ATRNL1: variants seen among roughly 807,000 people sequenced by gnomAD.
ATRNL1 encodes attractin-like protein 1.
In ATRNL1, 95 loss-of-function variants were observed where a neutral mutation model predicts 182.7. The observed-to-expected ratio is 0.52, with a 90% confidence interval of 0.44 to 0.62. The LOEUF is 0.62. Among genes scored for constraint, ATRNL1 ranks in the 20% least tolerant of loss-of-function variants. The pLI is 0.00. For synonymous variants in ATRNL1, 576 were observed against 568.3 expected (o/e 1.01, Z -0.19); for missense variants, 1,471 against 1,679.5 (o/e 0.88, Z 2.17).
At chr10:115,430,244 A>C (rs1846091878) in intron 21 of ATRNL1, among the ~76,000 whole-genome samples, 1 of 152,004 alleles carries the variant, frequency 6.6e-6, no homozygotes, top group Non-Finnish European at 1.5e-5. Flanking sequence ...TTTAATTGGT[A>C]GTTATTTTAT....
chr10:115,192,506 A>T (rs1848206819), intron 8 of ATRNL1, among the ~76,000 whole-genome samples: 1 of 152,002 alleles, frequency 6.6e-6, no homozygotes, highest in Non-Finnish European at 1.5e-5. Context: ...TGGCTTTGTA[A>T]TATAATTTCA....
chr10:115,475,909 C>T (rs946488000), intron 24 of ATRNL1, among the ~76,000 whole-genome samples: 2 of 151,198 alleles, frequency 1.3e-5, no homozygotes, highest in African/African-American at 4.8e-5. Flanking sequence ...TTGATTACTT[C>T]TACTACAAGT....
chr10:115,159,403 A>G (rs1443585388), intron 5 of ATRNL1, among the ~76,000 whole-genome samples: 4 of 151,554 alleles, frequency 2.6e-5, no homozygotes, highest in Admixed American at 6.6e-5. Flanking sequence ...TGTGTTTTCA[A>G]CTTTATAGTA....
intron 19 of ATRNL1, among the ~76,000 whole-genome samples, chr10:115,376,366 T>C (rs1857671399): frequency 6.6e-6 from 1 of 152,076 alleles, no homozygotes; most frequent in Non-Finnish European, 1.5e-5. Context: ...CATAGCTCAT[T>C]GTAACTTCAA....
chr10:115,813,542 G>A (rs1461802106), intron 27 of ATRNL1, among the ~76,000 whole-genome samples: 1 of 152,192 alleles, frequency 6.6e-6, no homozygotes, highest in Non-Finnish European at 1.5e-5. Context: ...TGCTATTGCA[G>A]TAAGATAGCT....
chr10:115,446,946 T>A (rs1293141831), intron 21 of ATRNL1, among the ~76,000 whole-genome samples: 1 of 151,956 alleles, frequency 6.6e-6, no homozygotes, highest in Non-Finnish European at 1.5e-5. Context: ...CAGATACATA[T>A]ATCATTTAAA....
intron 19 of ATRNL1, among the ~76,000 whole-genome samples, chr10:115,375,025 T>C (rs1341410409): frequency 6.6e-6 from 1 of 151,860 alleles, no homozygotes; most frequent in Non-Finnish European, 1.5e-5. Flanking sequence ...GTTGTTTTTT[T>C]TTTAATAGAC....
intron 8 of ATRNL1, among the ~76,000 whole-genome samples, chr10:115,214,330 T>A (rs1179005680): frequency 6.7e-6 from 1 of 148,734 alleles, no homozygotes; most frequent in Non-Finnish European, 1.5e-5. Context: ...ATATATATAG[T>A]TAAGTGGTTA....
chr10:115,821,807 A>G (rs1172115730), intron 27 of ATRNL1, among the ~76,000 whole-genome samples: 1 of 152,238 alleles, frequency 6.6e-6, no homozygotes, highest in Non-Finnish European at 1.5e-5. Flanking sequence ...ACCTACAAAG[A>G]GACTTAGACT....
chr10:115,290,814 T>C (rs1852865486), intron 15 of ATRNL1, among the ~76,000 whole-genome samples: 1 of 152,238 alleles, frequency 6.6e-6, no homozygotes, highest in South Asian at 2.1e-4. Context: ...GTGTCTGATT[T>C]ACATAGAGCC....
rs74158254 is a variant in ATRNL1, at chr10:115,689,965, G to A, written c.3796-37283G>A. Among the ~76,000 whole-genome samples, 214 of 152,238 alleles carry A rather than the reference G, an allele frequency of 1.4e-3. 1 individual carries two copies. Among genetic ancestry groups the A allele is most frequent in the African/African-American group, 5.0e-3 (206 of 41,552 alleles). On this transcript the variant is annotated intron_variant, in intron 26 of 28. Transcript: ENST00000355044. ...GCTGTACTTGTAACAGTGTGCAGAC[G>A]GAAAGAAGGCATCCTACTCTGTACA...
chr10:115,330,410 T>A (rs1554934680), intron 18 of ATRNL1, among the ~76,000 whole-genome samples: 1 of 152,168 alleles, frequency 6.6e-6, no homozygotes, highest in Non-Finnish European at 1.5e-5. Context: ...ACATTAGGAT[T>A]ATTATTTTTT....
At chr10:115,104,508 G>A (rs1843915057) in intron 1 of ATRNL1, among the ~76,000 whole-genome samples, 1 of 152,032 alleles carries the variant, frequency 6.6e-6, no homozygotes, top group African/African-American at 2.4e-5. Context: ...TCTTCATGTT[G>A]TTGATTGTTT....
intron 28 of ATRNL1, among the ~76,000 whole-genome samples, chr10:115,875,142 A>G (rs951887067): frequency 6.6e-6 from 1 of 152,322 alleles, no homozygotes; most frequent in African/African-American, 2.4e-5. Flanking sequence ...ATCATTTATT[A>G]TTTTGTGCAT....
intron 15 of ATRNL1, among the ~76,000 whole-genome samples, chr10:115,293,808 G>C (rs1380330637): frequency 6.6e-6 from 1 of 152,028 alleles, no homozygotes; most frequent in Non-Finnish European, 1.5e-5. Context: ...GGCCTTTATG[G>C]TTTCTGCTAA....
intron 5 of ATRNL1, among the ~76,000 whole-genome samples, chr10:115,142,340 G>A (rs1197105754): frequency 6.6e-6 from 1 of 152,160 alleles, no homozygotes; most frequent in Non-Finnish European, 1.5e-5. Flanking sequence ...AAGACCCTAA[G>A]GCAAGAGCAA....
intron 13 of ATRNL1, among the ~76,000 whole-genome samples, chr10:115,280,768 C>CCA (rs1852325183): frequency 6.6e-6 from 1 of 152,192 alleles, no homozygotes; most frequent in African/African-American, 2.4e-5. Context: ...CTTCTTCTAT[C>CCA]TGGTGAAAAT....
At chr10:115,534,175 C>T (rs1421261199) in intron 25 of ATRNL1, among the ~76,000 whole-genome samples, 1 of 151,354 alleles carries the variant, frequency 6.6e-6, no homozygotes, top group Admixed American at 6.6e-5. Context: ...CTTTCTGTCT[C>T]GTTGATCTGT....
rs116286436 is a variant in ATRNL1, at chr10:115,494,044, C to T, written c.3654+24715C>T. 9.1e-3 allele frequency among the ~76,000 whole-genome samples: 1,379 copies of T among 152,118 alleles called. 16 individuals are homozygous for T. The highest frequency in any genetic ancestry group is 0.03 in the African/African-American group (1,262 of 41,514). On this transcript the variant is annotated intron_variant, in intron 24 of 28. Coordinates refer to ENST00000355044, the MANE Select transcript of ATRNL1 (RefSeq NM_207303.4). Reference sequence around the variant, plus strand: ...AGACCATTGTTGGATGCATAGTTTGCAAATATTTTCTCTTATTCTATAGGC... The same window carrying T: ...AGACCATTGTTGGATGCATAGTTTGTAAATATTTTCTCTTATTCTATAGGC...
Sources: allele counts gnomAD v4.1 joint callset (sites outside exome capture counted in the v4.1 genomes callset), GRCh38; gene constraint gnomAD v4.1.1; transcripts MANE v1.5; gene names NCBI Gene and HGNC (gene_info 2026-07-23, HGNC 2026-07-21).